The following SEMA3A variants were observed in gnomAD, a reference collection of about 807,000 sequenced individuals.
SEMA3A encodes the protein semaphorin 3A.
SEMA3A carries 29 observed loss-of-function variants against 97.9 expected under a neutral mutation model. The ratio of observed to expected loss-of-function variants is 0.30; its 90% CI spans 0.22 to 0.40. SEMA3A has a LOEUF of 0.40. Among genes scored for constraint, SEMA3A ranks in the 10% least tolerant of loss-of-function variants. The pLI, the probability that SEMA3A is intolerant of heterozygous loss-of-function variation, is 1.00. For synonymous variants in SEMA3A, 321 were observed against 323.7 expected (o/e 0.99, Z 0.09); for missense variants, 763 against 951.3 (o/e 0.80, Z 2.60).
intron 1 of SEMA3A, among the ~76,000 whole-genome samples, chr7:84,378,621 T>A (rs1803171184): frequency 6.6e-6 from 1 of 152,084 alleles, no homozygotes; most frequent in Non-Finnish European, 1.5e-5. Context: ...GATGGGCTGA[T>A]GGGTGCAGCA....
intron 4 of SEMA3A, among the ~76,000 whole-genome samples, chr7:84,097,117 G>A (rs1039717660): frequency 2.0e-5 from 3 of 152,044 alleles, no homozygotes; most frequent in Non-Finnish European, 2.9e-5. Context: ...TGTTCCAGGT[G>A]AAGCAATTTA....
chr7:84,024,844 T>C (rs986532708), intron 6 of SEMA3A, among the ~76,000 whole-genome samples: 2 of 152,074 alleles, frequency 1.3e-5, no homozygotes, highest in Admixed American at 6.5e-5. Flanking sequence ...TCCCAGAACT[T>C]TGGGAGGCCG....
chr7:84,288,418 A>G (rs891504671), intron 3 of SEMA3A, among the ~76,000 whole-genome samples: 1 of 152,180 alleles, frequency 6.6e-6, no homozygotes, highest in East Asian at 1.9e-4. Context: ...CATTTTATAA[A>G]TGAACACAAT....
chr7:84,471,642 C>G (rs965837867), intron 1 of SEMA3A, among the ~76,000 whole-genome samples: 2 of 151,988 alleles, frequency 1.3e-5, no homozygotes, highest in African/African-American at 4.8e-5. Context: ...ATCCCAATGG[C>G]TTTATATCCT....
intron 3 of SEMA3A, among the ~76,000 whole-genome samples, chr7:84,224,633 C>T (rs1235544313): frequency 6.6e-6 from 1 of 151,996 alleles, no homozygotes; most frequent in Non-Finnish European, 1.5e-5. Flanking sequence ...TAGTTTCTTT[C>T]TAGGCAGTGT....
At chr7:84,374,418 T>C (rs2116112941) in intron 1 of SEMA3A, among the ~76,000 whole-genome samples, 1 of 152,324 alleles carries the variant, frequency 6.6e-6, no homozygotes, top group East Asian at 1.9e-4. Flanking sequence ...TTAAGATACA[T>C]ATATTAAACA....
chr7:84,252,505 C>T (rs1799631527), intron 3 of SEMA3A, among the ~76,000 whole-genome samples: 1 of 152,170 alleles, frequency 6.6e-6, no homozygotes, highest in South Asian at 2.1e-4. Flanking sequence ...GTGAAGTCTC[C>T]TTCATCAGTT....
At chr7:84,390,308 TA>T in intron 1 of SEMA3A, among the ~76,000 whole-genome samples, 1 of 147,516 alleles carries the variant, frequency 6.8e-6, no homozygotes, top group East Asian at 2.0e-4. Context: ...TTTTTTTTTT[TA>T]ATTGAAAAAG....
intron 2 of SEMA3A, among the ~76,000 whole-genome samples, chr7:84,363,568 C>T (rs2116074259): frequency 6.6e-6 from 1 of 151,930 alleles, no homozygotes; most frequent in East Asian, 1.9e-4. Flanking sequence ...TTTTTGCCTT[C>T]AATTTTATAA....
At chr7:84,389,424 C>G (rs544542776) in intron 1 of SEMA3A, among the ~76,000 whole-genome samples, 2 of 151,978 alleles carry the variant, frequency 1.3e-5, no homozygotes, top group African/African-American at 4.8e-5. Context: ...CCTATCTATA[C>G]GGCTTTTATG....
chr7:84,476,227 G>A (rs1303216446), intron 1 of SEMA3A, among the ~76,000 whole-genome samples: 2 of 151,574 alleles, frequency 1.3e-5, no homozygotes, highest in Admixed American at 6.6e-5. Context: ...GCGTGGTGGC[G>A]TGCACCTGTA....
intron 15 of SEMA3A, 148 bp from the exon 16 acceptor site, chr7:83,963,495 G>A (rs1217744172): frequency 1.2e-6 from 1 of 854,054 alleles, no homozygotes; most frequent in East Asian, 2.6e-5. Flanking sequence ...TGTCAGTGAT[G>A]TAAGGTTTCA....
At chr7:84,408,031 A>G (rs1470865606) in intron 1 of SEMA3A, among the ~76,000 whole-genome samples, 3 of 152,228 alleles carry the variant, frequency 2.0e-5, no homozygotes, top group African/African-American at 7.2e-5. Context: ...ACAAAAGCCA[A>G]AATTGACAAA....
intron 5 of SEMA3A, among the ~76,000 whole-genome samples, chr7:84,050,547 G>A (rs1192794712): frequency 6.6e-6 from 1 of 152,008 alleles, no homozygotes; most frequent in East Asian, 1.9e-4. Flanking sequence ...CCCACTTTTT[G>A]ATGGGGTTGT....
chr7:84,308,731 G>A (rs1161656762), intron 2 of SEMA3A, among the ~76,000 whole-genome samples: 1 of 152,074 alleles, frequency 6.6e-6, no homozygotes. Context: ...AAATGGTATT[G>A]ATCAGGAAGC....
At chr7:84,432,860 ATT>A (rs34970127) in intron 1 of SEMA3A, among the ~76,000 whole-genome samples, 194 of 138,898 alleles carry the variant, frequency 1.4e-3, no homozygotes, top group African/African-American at 4.4e-3. Flanking sequence ...ACAAATGTGA[ATT>A]TTTTTTTTTT....
At chr7:84,043,464 T>C (rs1792223559) in intron 6 of SEMA3A, among the ~76,000 whole-genome samples, 1 of 152,068 alleles carries the variant, frequency 6.6e-6, no homozygotes, top group East Asian at 1.9e-4. Context: ...TTGAACTGAT[T>C]TGAGAAAAAT....
rs1800678602 is a variant in SEMA3A, at chr7:84,289,275, G to A, written c.-83+17932C>T. Among the ~76,000 whole-genome samples, 4 of 152,028 alleles carry A rather than the reference G, an allele frequency of 2.6e-5. No individual in the cohort carries two copies. In the South Asian group the frequency reaches 8.3e-4, roughly 32 times the overall value. On this transcript the variant is annotated intron_variant, in intron 3 of 3. Coordinates refer to the SEMA3A transcript ENST00000424555. ...TGGGTACAAAACTACAGTTAGATAG[G>A]AGCAATAGGTTCTTGTGTTCTATAG... is the stretch of plus-strand genomic sequence containing the variant.
At chr7:84,057,189 G>T (rs571491385) in intron 5 of SEMA3A, among the ~76,000 whole-genome samples, 1 of 152,232 alleles carries the variant, frequency 6.6e-6, no homozygotes, top group Non-Finnish European at 1.5e-5. Flanking sequence ...CTTTGAAATA[G>T]GTCTCAATAA....
Sources: gnomAD v4.1 joint callset for allele counts (sites outside exome capture counted in the v4.1 genomes callset) on GRCh38, gnomAD v4.1.1 for gene constraint, MANE v1.5 for transcripts, NCBI Gene and HGNC (gene_info 2026-07-23, HGNC 2026-07-21) for gene names.